The following LINGO2 variants were observed in gnomAD, a reference collection of about 807,000 sequenced individuals.
LINGO2 encodes the protein leucine rich repeat and Ig domain containing 2.
In LINGO2, 14 loss-of-function variants were observed where a neutral mutation model predicts 30.6. The ratio of observed to expected loss-of-function variants is 0.46; its 90% CI spans 0.30 to 0.72. The LOEUF (loss-of-function observed/expected upper bound fraction) is 0.72. Ranked by LOEUF, LINGO2 falls within the 30% of genes least tolerant of loss-of-function variation. The pLI, the probability that LINGO2 is intolerant of heterozygous loss-of-function variation, is 0.07. For synonymous variants in LINGO2, 317 were observed against 288.5 expected, an observed-to-expected ratio of 1.10 and a Z score of -1.00; for missense variants, 729 against 751.7, an observed-to-expected ratio of 0.97 and a Z score of 0.35.
chr9:28,025,786 A>G (rs1293819608), intron 4 of LINGO2, among the ~76,000 whole-genome samples: 1 of 152,238 alleles, frequency 6.6e-6, no homozygotes, highest in Non-Finnish European at 1.5e-5. Context: ...AGAGAGCCAG[A>G]CAAACGACAC....
chr9:28,885,400 C>T, the LINGO2 span, among the ~76,000 whole-genome samples: 5 of 68,548 alleles, frequency 7.3e-5, no homozygotes, highest in African/African-American at 2.7e-4. Flanking sequence ...TACATACATA[C>T]ATATATACAT....
intron 2 of LINGO2, among the ~76,000 whole-genome samples, chr9:28,377,951 A>T (rs1429883708): frequency 6.6e-6 from 1 of 152,198 alleles, no homozygotes; most frequent in African/African-American, 2.4e-5. Context: ...AATCCAGTTA[A>T]GATTTTACAA....
the LINGO2 span, among the ~76,000 whole-genome samples, chr9:29,128,247 C>T: frequency 6.6e-6 from 1 of 152,054 alleles, no homozygotes; most frequent in Non-Finnish European, 1.5e-5. Flanking sequence ...CAACTCCAGA[C>T]CTTAACATCT....
intron 1 of LINGO2, among the ~76,000 whole-genome samples, chr9:28,481,622 A>T (rs1459812487): frequency 6.6e-6 from 1 of 151,494 alleles, no homozygotes; most frequent in African/African-American, 2.4e-5. Context: ...TTATTTATTT[A>T]TTTATTTTTT....
chr9:28,464,083 T>C (rs968797965), intron 2 of LINGO2, among the ~76,000 whole-genome samples: 1 of 152,172 alleles, frequency 6.6e-6, no homozygotes, highest in East Asian at 1.9e-4. Context: ...GACAATATTC[T>C]GTTCAGGGAA....
chr9:28,241,267 C>CAAAAAAAAAAAA (rs1164724626), intron 4 of LINGO2, among the ~76,000 whole-genome samples: 1 of 83,606 alleles, frequency 1.2e-5, no homozygotes, highest in African/African-American at 4.8e-5. Flanking sequence ...GACCCTGTCT[C>CAAAAAAAAAAAA]AAAAAAAAAA....
chr9:28,570,710 C>T (rs1028308700), intron 1 of LINGO2, among the ~76,000 whole-genome samples: 3 of 151,744 alleles, frequency 2.0e-5, no homozygotes, highest in African/African-American at 7.2e-5. Flanking sequence ...ACTCTATCTA[C>T]TACCCATGTC....
intron 4 of LINGO2, among the ~76,000 whole-genome samples, chr9:28,040,424 GTTTTT>G (rs762768949): frequency 2.4e-5 from 3 of 124,316 alleles, no homozygotes; most frequent in African/African-American, 8.8e-5. Flanking sequence ...ACAGCTTGAA[GTTTTT>G]TTTTTTTTTT....
chr9:28,711,508 C>A, the LINGO2 span, among the ~76,000 whole-genome samples: 4 of 152,142 alleles, frequency 2.6e-5, no homozygotes, highest in African/African-American at 9.7e-5. Context: ...CCCCACCACA[C>A]TCCCTGAACA....
chr9:29,077,213 G>T, the LINGO2 span, among the ~76,000 whole-genome samples: 13 of 151,906 alleles, frequency 8.6e-5, 1 homozygote, highest in Middle Eastern at 6.8e-3. Context: ...TGGCATTAAG[G>T]TTTCTTAGAT....
At chr9:28,729,993 A>T in the LINGO2 span, among the ~76,000 whole-genome samples, 1 of 152,148 alleles carries the variant, frequency 6.6e-6, no homozygotes, top group East Asian at 1.9e-4. Flanking sequence ...ATGGAATTGG[A>T]TTTCTCAATA....
At chr9:28,941,429 T>C in the LINGO2 span, among the ~76,000 whole-genome samples, 1 of 152,146 alleles carries the variant, frequency 6.6e-6, no homozygotes, top group Non-Finnish European at 1.5e-5. Context: ...ACCACAAGTG[T>C]CTCCTTGGCA....
the LINGO2 span, among the ~76,000 whole-genome samples, chr9:29,096,183 G>A: frequency 3.6e-5 from 5 of 139,116 alleles, 1 homozygote; most frequent in African/African-American, 1.4e-4. Context: ...AAGACAGGAG[G>A]AGTCTGCTCT....
At chr9:28,206,613 A>C (rs1032308671) in intron 4 of LINGO2, among the ~76,000 whole-genome samples, 3 of 152,172 alleles carry the variant, frequency 2.0e-5, no homozygotes, top group African/African-American at 7.2e-5. Flanking sequence ...CCATAATACC[A>C]AGTTTACTTA....
At chr9:28,007,835 A>G (rs1299212371) in intron 5 of LINGO2, among the ~76,000 whole-genome samples, 1 of 152,146 alleles carries the variant, frequency 6.6e-6, no homozygotes, top group African/African-American at 2.4e-5. Flanking sequence ...CACAAAAGAA[A>G]TCAAGATTAT....
At chr9:28,700,416 TC>T in the LINGO2 span, among the ~76,000 whole-genome samples, 19 of 152,228 alleles carry the variant, frequency 1.2e-4, no homozygotes, top group South Asian at 3.7e-3. Context: ...CAAATTTGCT[TC>T]TTTCACTTAG....
the LINGO2 span, among the ~76,000 whole-genome samples, chr9:29,000,494 T>A: frequency 6.6e-6 from 1 of 151,934 alleles, no homozygotes; most frequent in Non-Finnish European, 1.5e-5. Flanking sequence ...GCAATAAATT[T>A]AATTTATAAT....
the LINGO2 span, among the ~76,000 whole-genome samples, chr9:29,109,638 T>C: frequency 2.6e-5 from 4 of 152,184 alleles, no homozygotes; most frequent in Non-Finnish European, 5.9e-5. Context: ...TAAAAGTGGA[T>C]ATGGCAGGAA....
At chr9:28,725,028 G>C in the LINGO2 span, among the ~76,000 whole-genome samples, 12 of 151,616 alleles carry the variant, frequency 7.9e-5, no homozygotes, top group South Asian at 2.5e-3. Context: ...ACAAAAATCT[G>C]AAATAAAAAT....
Sources: gnomAD v4.1 joint callset for allele counts (sites outside exome capture counted in the v4.1 genomes callset) on GRCh38, gnomAD v4.1.1 for gene constraint, MANE v1.5 for transcripts, NCBI Gene and HGNC (gene_info 2026-07-23, HGNC 2026-07-21) for gene names.